Variants in CNST observed in about 807,000 individuals in gnomAD.
The protein encoded by CNST is consortin.
CNST carries 39 observed loss-of-function variants against 72.4 expected under a neutral mutation model. That is an observed-to-expected ratio of 0.54 (90% CI 0.42 to 0.70). The LOEUF is 0.70. CNST is among the 30% of genes least tolerant of loss of function. CNST has a pLI of 0.00. For missense variants in CNST, 871 were observed against 868.5 expected (o/e 1.00, Z -0.04); for synonymous variants, 332 against 320.1 (o/e 1.04, Z -0.40).
At chr1:246,633,117 A>G (rs1192428074) in intron 4 of CNST, among the ~76,000 whole-genome samples, 1 of 152,222 alleles carries the variant, frequency 6.6e-6, no homozygotes, top group African/African-American at 2.4e-5. Flanking sequence ...TAGCTATTGC[A>G]TAATATGCCA....
At position 246,594,385 on chromosome 1, in the gene CNST, A is replaced by G. The variant is rs180904313; in HGVS notation, c.379+2444A>G. ...GTTTAGAATTACTATTCCCTAATGC[A>G]TTTGAAACATATGATTTATAAAATC... On this transcript the variant is annotated intron_variant, in intron 2 of 10. Coordinates refer to ENST00000366513, the MANE Select transcript of CNST (RefSeq NM_152609.3). Among the ~76,000 whole-genome samples, 61 of 152,322 alleles carry G rather than the reference A, an allele frequency of 4.0e-4. No homozygotes were observed. In the East Asian group the frequency reaches 8.7e-3, roughly 22 times the overall value.
chr1:246,572,970 T>C (rs748919677), intron 1 of CNST, among the ~76,000 whole-genome samples: 31 of 152,206 alleles, frequency 2.0e-4, no homozygotes, highest in Non-Finnish European at 3.8e-4. Flanking sequence ...CAAGGATTCA[T>C]GTAACCAACA....
intron 2 of CNST, among the ~76,000 whole-genome samples, chr1:246,617,600 G>T (rs1251089593): frequency 1.3e-5 from 2 of 152,194 alleles, no homozygotes; most frequent in Non-Finnish European, 1.5e-5. Context: ...AAAAATAGAG[G>T]ATCAAAGAGA....
In CNST at chr1:246,664,880, T is replaced by A. The variant is rs538616682; in HGVS notation, c.1973-820T>A. Among the ~76,000 whole-genome samples the A allele has an allele frequency of 3.3e-5, 5 of 152,248 alleles. No individual in the cohort carries two copies. The South Asian group carries it at 1.0e-3, about 32-fold the overall frequency. On this transcript the variant is annotated intron_variant, in intron 10 of 10. Coordinates refer to ENST00000366513, the MANE Select transcript of CNST (RefSeq NM_152609.3). ...CTTTTTGGTCTTTTTGAAATTAAAA[T>A]TTTTTTTAAATTATGAATAATTAAG...
chr1:246,592,252 C>T (rs574509553), intron 2 of CNST, among the ~76,000 whole-genome samples: 6 of 152,194 alleles, frequency 3.9e-5, no homozygotes, highest in East Asian at 1.9e-4. Flanking sequence ...TTTGGGAGGC[C>T]GAGGTGGGCG....
intron 1 of CNST, among the ~76,000 whole-genome samples, chr1:246,579,076 TTAAACA>T (rs1283586831): frequency 6.6e-6 from 1 of 152,258 alleles, no homozygotes. Flanking sequence ...CACAATAGAC[TTAAACA>T]TAAACATTTC....
At chr1:246,633,732 G>T (rs1485176377) in intron 4 of CNST, among the ~76,000 whole-genome samples, 192 bp from the exon 5 acceptor site, 1 of 143,450 alleles carries the variant, frequency 7.0e-6, no homozygotes, top group Non-Finnish European at 1.5e-5. Flanking sequence ...TACAGAGCAA[G>T]ATTCCATCTC....
intron 6 of CNST, among the ~76,000 whole-genome samples, chr1:246,639,332 A>G (rs902399040): frequency 2.0e-5 from 3 of 152,106 alleles, no homozygotes; most frequent in South Asian, 2.1e-4. Flanking sequence ...GTAGCTTAGT[A>G]TAACGGTTTG....
intron 2 of CNST, among the ~76,000 whole-genome samples, chr1:246,602,897 G>T (rs372845424): frequency 6.7e-6 from 1 of 149,350 alleles, no homozygotes; most frequent in East Asian, 1.9e-4. Context: ...TTTTTGTCTA[G>T]TTTTTTTTTT....
At chr1:246,575,670 T>C (rs538089813) in intron 1 of CNST, among the ~76,000 whole-genome samples, 3 of 152,182 alleles carry the variant, frequency 2.0e-5, no homozygotes, top group African/African-American at 7.2e-5. Context: ...GTGTACAATT[T>C]GTGAATACTA....
chr1:246,584,811 C>T (rs369079315), intron 1 of CNST, among the ~76,000 whole-genome samples: 46 of 152,316 alleles, frequency 3.0e-4, no homozygotes, highest in Admixed American at 1.2e-3. Context: ...TCCCTGCCTC[C>T]GGTATATGGA....
intron 1 of CNST, among the ~76,000 whole-genome samples, chr1:246,579,899 C>A (rs917451812): frequency 1.1e-4 from 17 of 152,190 alleles, no homozygotes; most frequent in African/African-American, 4.1e-4. Flanking sequence ...TAAATTGTCT[C>A]ATTTTATTCT....
chr1:246,644,833 A>G (rs1039771924), intron 8 of CNST, among the ~76,000 whole-genome samples: 1 of 152,202 alleles, frequency 6.6e-6, no homozygotes, highest in African/African-American at 2.4e-5. Flanking sequence ...CCTGGAATTC[A>G]TGGAGGAGTG....
chr1:246,639,234 G>A (rs780555986), intron 6 of CNST, among the ~76,000 whole-genome samples: 6 of 152,082 alleles, frequency 3.9e-5, no homozygotes, highest in South Asian at 2.1e-4. Context: ...GAGTGAGAAC[G>A]GGGGCTGAGA....
chr1:246,664,283 TATG>T (rs933714220), intron 10 of CNST, among the ~76,000 whole-genome samples: 4 of 152,210 alleles, frequency 2.6e-5, no homozygotes, highest in Non-Finnish European at 4.4e-5. Flanking sequence ...AGCTTGTATA[TATG>T]ATATTTGTTG....
intron 2 of CNST, among the ~76,000 whole-genome samples, chr1:246,601,599 G>A (rs1456002352): frequency 4.6e-5 from 7 of 151,786 alleles, no homozygotes; most frequent in East Asian, 1.9e-4. Context: ...GTTGGAGACC[G>A]GCCTGACCAA....
chr1:246,610,054 G>A (rs1012190594), intron 2 of CNST, among the ~76,000 whole-genome samples: 2 of 152,052 alleles, frequency 1.3e-5, no homozygotes, highest in Admixed American at 6.6e-5. Context: ...AGGCTGAGGC[G>A]GGTGGATCAT....
chr1:246,610,027 A>G (rs1212578690), intron 2 of CNST, among the ~76,000 whole-genome samples: 2 of 152,218 alleles, frequency 1.3e-5, no homozygotes, highest in African/African-American at 4.8e-5. Context: ...TCAGGCCTGT[A>G]ATCCCAGCAC....
chr1:246,649,672 T>C (rs1404973953), intron 9 of CNST, among the ~76,000 whole-genome samples: 1 of 152,078 alleles, frequency 6.6e-6, no homozygotes, highest in Non-Finnish European at 1.5e-5. Context: ...TTTTCCTCTA[T>C]TTCAACATTT....
Sources: allele counts gnomAD v4.1 joint callset (sites outside exome capture counted in the v4.1 genomes callset), GRCh38; gene constraint gnomAD v4.1.1; transcripts MANE v1.5; gene names NCBI Gene and HGNC (gene_info 2026-07-23, HGNC 2026-07-21).